SLC2A9: variants seen among roughly 807,000 people sequenced by gnomAD.
SLC2A9 encodes the protein solute carrier family 2 member 9.
SLC2A9 carries 39 observed loss-of-function variants against 50.6 expected under a neutral mutation model. That is an observed-to-expected ratio of 0.77 (90% CI 0.60 to 1.01). The LOEUF (loss-of-function observed/expected upper bound fraction) is 1.01. Ranked by LOEUF, SLC2A9 falls within the 50% of genes least tolerant of loss-of-function variation. SLC2A9 has a pLI of 0.00. For synonymous variants in SLC2A9, 324 were observed against 276.9 expected, an observed-to-expected ratio of 1.17 and a Z score of -1.69; for missense variants, 686 against 677.6, an observed-to-expected ratio of 1.01 and a Z score of -0.14.
At chr4:9,868,463 T>G (rs771637858) in intron 10 of SLC2A9, among the ~76,000 whole-genome samples, 3 of 152,244 alleles carry the variant, frequency 2.0e-5, no homozygotes, top group Non-Finnish European at 4.4e-5. Flanking sequence ...AACCAGGGCT[T>G]CTTCCCCAGA....
intron 5 of SLC2A9, among the ~76,000 whole-genome samples, chr4:9,945,647 G>A (rs558294451): frequency 6.6e-6 from 1 of 152,262 alleles, no homozygotes; most frequent in Non-Finnish European, 1.5e-5. Flanking sequence ...TGACCAGGGA[G>A]GAGCCATCAG....
At chr4:9,882,429 A>T (rs1735380994) in intron 10 of SLC2A9, among the ~76,000 whole-genome samples, 1 of 152,110 alleles carries the variant, frequency 6.6e-6, no homozygotes, top group South Asian at 2.1e-4. Flanking sequence ...TTTGGGAAAA[A>T]TTACTGGATC....
intron 3 of SLC2A9, among the ~76,000 whole-genome samples, chr4:9,786,867 CA>C (rs1719290833): frequency 6.6e-6 from 1 of 152,172 alleles, no homozygotes. Context: ...GTGCTCCTGC[CA>C]TCTTGCGGGT....
chr4:9,862,787 AG>A (rs1731858272), intron 10 of SLC2A9, among the ~76,000 whole-genome samples: 1 of 151,992 alleles, frequency 6.6e-6, no homozygotes, highest in South Asian at 2.1e-4. Flanking sequence ...ATTCCTTCCT[AG>A]CACTGGTCAG....
At chr4:9,812,448 G>A (rs1050237497) in intron 3 of SLC2A9, among the ~76,000 whole-genome samples, 2 of 151,778 alleles carry the variant, frequency 1.3e-5, no homozygotes, top group Admixed American at 1.3e-4. Context: ...GAAAACCAAA[G>A]AGGATTATAT....
intron 3 of SLC2A9, among the ~76,000 whole-genome samples, chr4:9,807,333 T>C (rs894186782): frequency 6.6e-6 from 1 of 152,214 alleles, no homozygotes; most frequent in African/African-American, 2.4e-5. Context: ...TCCTTGTTTA[T>C]CTCATAGATC....
chr4:9,988,454 C>T (rs1229752337), intron 3 of SLC2A9, among the ~76,000 whole-genome samples: 7 of 152,208 alleles, frequency 4.6e-5, no homozygotes, highest in Non-Finnish European at 1.0e-4. Context: ...GCAAGTTTAT[C>T]ATATTAATAT....
At chr4:9,791,419 G>A (rs1216487961) in intron 3 of SLC2A9, among the ~76,000 whole-genome samples, 1 of 152,166 alleles carries the variant, frequency 6.6e-6, no homozygotes, top group Non-Finnish European at 1.5e-5. Context: ...TCTAGGAGCT[G>A]CATGTGACTA....
At chr4:10,026,061 A>G, upstream of SLC2A9, 1 of 1,328,346 alleles carries the variant, frequency 7.5e-7, no homozygotes, top group Non-Finnish European at 1.1e-6. Context: ...CAGATGTGCA[A>G]GTCAGGGGAG....
In SLC2A9 at chr4:9,996,816, C is replaced by T. The variant is rs10939650; in HGVS notation, c.375G>A (p.Thr125=). ...SIFAIGGLVG[T]LIVKMIGKVL... is the part of the protein sequence containing the mutation. ...CCTTTCCAATCATCTTCACAATTAA[C>T]GTCCCCACAAGTCCACCGATGGCGA... The change falls in exon 3 of 12, where the codon ACG becomes ACA. Residue 125 remains threonine (T), a synonymous_variant. Transcript: ENST00000264784. 0.73 allele frequency: 1,182,292 copies of T among 1,613,598 alleles called. 435,998 individuals are homozygous for T. Among genetic ancestry groups the T allele is most frequent in the Non-Finnish European group, 0.76 (893,038 of 1,179,720 alleles).
At chr4:9,926,583 T>C (rs1229336771) in intron 6 of SLC2A9, among the ~76,000 whole-genome samples, 1 of 151,828 alleles carries the variant, frequency 6.6e-6, no homozygotes, top group Non-Finnish European at 1.5e-5. Context: ...GTGGGGTACT[T>C]GCTACATTCT....
chr4:9,993,693 G>T (rs1250005885), intron 3 of SLC2A9, among the ~76,000 whole-genome samples: 1 of 152,032 alleles, frequency 6.6e-6, no homozygotes, highest in African/African-American at 2.4e-5. Flanking sequence ...CTATGGTCAT[G>T]CAAGCAGAGG....
intron 7 of SLC2A9, among the ~76,000 whole-genome samples, chr4:9,920,167 C>T (rs149916572): frequency 2.0e-5 from 3 of 152,334 alleles, no homozygotes; most frequent in East Asian, 3.9e-4. Flanking sequence ...CTGAACTGAA[C>T]ACTTTGCATG....
At chr4:9,850,203 C>T (rs4697898) in intron 10 of SLC2A9, among the ~76,000 whole-genome samples, 32,218 of 152,004 alleles carry the variant, frequency 0.21, 3,534 homozygotes, top group Admixed American at 0.28. Context: ...AGGAATGGCC[C>T]GCTCTCACCA....
intron 5 of SLC2A9, among the ~76,000 whole-genome samples, chr4:9,946,644 C>T (rs572281364): frequency 6.6e-6 from 1 of 152,302 alleles, no homozygotes; most frequent in South Asian, 2.1e-4. Context: ...CATATTTAGG[C>T]TCTTATTCTA....
chr4:9,892,357 T>C (rs186435048), intron 8 of SLC2A9, among the ~76,000 whole-genome samples: 5 of 149,512 alleles, frequency 3.3e-5, no homozygotes. Flanking sequence ...ACCACATGTC[T>C]CTAAAAGCAT....
chr4:9,852,939 C>G (rs994692023), intron 10 of SLC2A9, among the ~76,000 whole-genome samples: 1 of 152,086 alleles, frequency 6.6e-6, no homozygotes, highest in African/African-American at 2.4e-5. Context: ...GCTTGTAATC[C>G]CAGCACTTTG....
At chr4:9,927,716 G>C (rs983965139) in intron 6 of SLC2A9, among the ~76,000 whole-genome samples, 7 of 152,210 alleles carry the variant, frequency 4.6e-5, no homozygotes, top group African/African-American at 1.7e-4. Flanking sequence ...ATGTAACAAG[G>C]GGTGTAGGAG....
At chr4:10,020,886 C>A (rs958036942) in intron 1 of SLC2A9, among the ~76,000 whole-genome samples, 14 of 152,194 alleles carry the variant, frequency 9.2e-5, no homozygotes, top group African/African-American at 3.4e-4. Context: ...CTGTGTGGCC[C>A]GCCTGTGCCC....
Sources: allele counts gnomAD v4.1 joint callset (sites outside exome capture counted in the v4.1 genomes callset), GRCh38; gene constraint gnomAD v4.1.1; transcripts MANE v1.5; gene names NCBI Gene and HGNC (gene_info 2026-07-23, HGNC 2026-07-21).